KIAA1549: variants seen among roughly 807,000 people sequenced by gnomAD.
KIAA1549 encodes KIAA1549.
KIAA1549 carries 70 observed loss-of-function variants against 156.4 expected under a neutral mutation model. That is an observed-to-expected ratio of 0.45 (90% CI 0.37 to 0.55). The LOEUF is 0.55. KIAA1549 is among the 20% of genes least tolerant of loss of function. The probability of loss-of-function intolerance (pLI) is 0.00; values close to 1 mark genes in which losing one functional copy is unlikely to be tolerated. For missense variants in KIAA1549, 2,428 were observed against 2,540.9 expected, an observed-to-expected ratio of 0.96 and a Z score of 0.96; for synonymous variants, 1,103 against 1,066.4, an observed-to-expected ratio of 1.03 and a Z score of -0.67.
chr7:138,941,497 C>T (rs1445358769), intron 1 of KIAA1549, among the ~76,000 whole-genome samples: 1 of 152,212 alleles, frequency 6.6e-6, no homozygotes, highest in Non-Finnish European at 1.5e-5. Context: ...GTTTCAAATT[C>T]CTCTTCTTCC....
Position 138,831,475 on chromosome 7 carries a change from A to G in KIAA1549, c.*6431T>C, listed in dbSNP as rs1213436377. ...ACATGGAAACCAAATACTTGCATAA[A>G]TTATTTCAAAAACTCTACAGCACAT... On this transcript the variant is annotated 3_prime_UTR_variant, in exon 20 of 20. Coordinates refer to ENST00000422774, the MANE Select transcript of KIAA1549 (RefSeq NM_001164665.2). 5 of 212,560 alleles carry G rather than the reference A, an allele frequency of 2.4e-5. No individual in the cohort carries two copies. Among genetic ancestry groups the G allele is most frequent in the Non-Finnish European group, 3.8e-5 (4 of 105,074 alleles). 13.2% of individuals were successfully genotyped at this position (212,560 alleles called of 1,614,324 possible). A position where few individuals can be genotyped will look rare whatever the true frequency, so the allele number is the denominator to read the frequency against.
At chr7:138,868,168 C>T (rs1440338765) in intron 14 of KIAA1549, 40 bp from the exon 15 acceptor site, 2 of 1,586,548 alleles carry the variant, frequency 1.3e-6, no homozygotes, top group East Asian at 2.3e-5. Flanking sequence ...AGGAAATCAC[C>T]CTTTTTGCCA....
intron 1 of KIAA1549, among the ~76,000 whole-genome samples, chr7:138,942,044 C>T (rs1813198462): frequency 6.6e-6 from 1 of 152,194 alleles, no homozygotes; most frequent in African/African-American, 2.4e-5. Flanking sequence ...CTCCCAGGTG[C>T]TATGATCCAT....
chr7:138,859,313 C>G (rs956741549), intron 16 of KIAA1549, among the ~76,000 whole-genome samples: 4 of 152,082 alleles, frequency 2.6e-5, no homozygotes, highest in African/African-American at 9.7e-5. Context: ...GCCCTTATCT[C>G]CAACACAGTC....
intron 10 of KIAA1549, among the ~76,000 whole-genome samples, chr7:138,887,820 G>A (rs1230315273): frequency 2.0e-5 from 3 of 152,200 alleles, no homozygotes; most frequent in Non-Finnish European, 2.9e-5. Flanking sequence ...TTCGTTCCAC[G>A]TTGGGAAACT....
intron 1 of KIAA1549, among the ~76,000 whole-genome samples, chr7:138,940,312 G>A (rs1428327440): frequency 6.6e-6 from 1 of 151,632 alleles, no homozygotes; most frequent in Non-Finnish European, 1.5e-5. Context: ...ATGGTTTCCA[G>A]CTTCATCCAT....
At chr7:138,861,536 A>G in intron 15 of KIAA1549, 80 bp from the exon 16 acceptor site, 1 of 1,107,318 alleles carries the variant, frequency 9.0e-7, no homozygotes, top group Non-Finnish European at 1.3e-6. Flanking sequence ...CATTGAGGAA[A>G]AGTTCTATCA....
intron 1 of KIAA1549, 94 bp from the exon 2 acceptor site, chr7:138,919,532 A>C (rs1407084196): frequency 6.6e-7 from 1 of 1,517,006 alleles, no homozygotes; most frequent in African/African-American, 1.4e-5. Flanking sequence ...CATTTAACAA[A>C]CATCCATTCA....
chr7:138,921,051 C>A (rs1812550461), intron 1 of KIAA1549, among the ~76,000 whole-genome samples: 1 of 152,168 alleles, frequency 6.6e-6, no homozygotes, highest in Non-Finnish European at 1.5e-5. Context: ...AGGTACTGGA[C>A]CAGCTGGCCT....
intron 15 of KIAA1549, among the ~76,000 whole-genome samples, chr7:138,861,664 C>T (rs997540084): frequency 8.3e-6 from 1 of 119,870 alleles, no homozygotes; most frequent in Admixed American, 9.6e-5. Flanking sequence ...CCAGCCTGGG[C>T]AACAAAGTGA....
At chr7:138,860,250 A>G (rs1029691806) in intron 16 of KIAA1549, among the ~76,000 whole-genome samples, 5 of 152,198 alleles carry the variant, frequency 3.3e-5, no homozygotes, top group Admixed American at 6.5e-5. Context: ...CCCACCCCAC[A>G]TGATAGCAGT....
chr7:138,831,737 A>G lies in KIAA1549; in HGVS notation c.*6169T>C. Reference sequence around the variant, plus strand: ...ATGAGTGTGCAGGAAGAGCCAGAAAAACATGGACCTTGACAAAGGAGGGAG... The same window carrying G: ...ATGAGTGTGCAGGAAGAGCCAGAAAGACATGGACCTTGACAAAGGAGGGAG... On this transcript the variant is annotated 3_prime_UTR_variant, in exon 20 of 20. Coordinates refer to ENST00000422774, the MANE Select transcript of KIAA1549 (RefSeq NM_001164665.2). The G allele has an allele frequency of 4.3e-6, 1 of 231,728 alleles. No individual in the cohort carries two copies. The highest frequency in any genetic ancestry group is 8.5e-6 in the Non-Finnish European group (1 of 117,128). The allele number at this position is 231,728 out of a possible 1,614,324, so 14.4% of individuals were successfully genotyped here.
intron 1 of KIAA1549, among the ~76,000 whole-genome samples, chr7:138,963,087 G>A (rs1246960013): frequency 1.3e-5 from 2 of 152,248 alleles, no homozygotes; most frequent in Non-Finnish European, 2.9e-5. Flanking sequence ...CCAGCACGGT[G>A]CTCAGCACAT....
chr7:138,900,497 A>T (rs953634146), intron 8 of KIAA1549, among the ~76,000 whole-genome samples: 4 of 152,224 alleles, frequency 2.6e-5, no homozygotes. Flanking sequence ...TCTAGAAATC[A>T]CAGTCCCCAA....
intron 1 of KIAA1549, among the ~76,000 whole-genome samples, chr7:138,962,458 T>C (rs1214470866): frequency 1.3e-5 from 2 of 152,196 alleles, no homozygotes; most frequent in Admixed American, 1.3e-4. Flanking sequence ...ACCAGCAGAA[T>C]GCATCAGAGA....
At chr7:138,877,830 T>A (rs1260229779) in intron 12 of KIAA1549, among the ~76,000 whole-genome samples, 1 of 152,208 alleles carries the variant, frequency 6.6e-6, no homozygotes, top group Admixed American at 6.5e-5. Context: ...TGATGCTTAC[T>A]ACCTGGATTC....
At chr7:138,971,698 C>T (rs1292783528) in intron 1 of KIAA1549, among the ~76,000 whole-genome samples, 2 of 152,198 alleles carry the variant, frequency 1.3e-5, no homozygotes, top group Non-Finnish European at 2.9e-5. Flanking sequence ...TGGACCTCAA[C>T]CTCGAGAGGG....
intron 14 of KIAA1549, among the ~76,000 whole-genome samples, chr7:138,868,993 G>T (rs1290301553): frequency 1.3e-5 from 2 of 152,314 alleles, no homozygotes; most frequent in Non-Finnish European, 1.5e-5. Context: ...ATACATGAGA[G>T]CCGTGTTTAA....
intron 1 of KIAA1549, among the ~76,000 whole-genome samples, chr7:138,938,225 T>TG (rs1379359921): frequency 6.6e-6 from 1 of 152,224 alleles, no homozygotes; most frequent in African/African-American, 2.4e-5. Flanking sequence ...ATCTCCATCT[T>TG]GGACTTCTCA....
Sources: gnomAD v4.1 joint callset for allele counts (sites outside exome capture counted in the v4.1 genomes callset) on GRCh38, gnomAD v4.1.1 for gene constraint, MANE v1.5 for transcripts, NCBI Gene and HGNC (gene_info 2026-07-23, HGNC 2026-07-21) for gene names.